Variants in CDC42EP3 observed in about 807,000 individuals in gnomAD.
CDC42EP3 encodes the protein CDC42 effector protein (Rho GTPase binding) 3.
A neutral mutation model predicts 15.5 loss-of-function variants in CDC42EP3; 4 were observed. The observed-to-expected ratio is 0.26, with a 90% CI of 0.13 to 0.59. CDC42EP3 has a LOEUF of 0.59. Among genes scored for constraint, CDC42EP3 ranks in the 20% least tolerant of loss-of-function variants. The pLI, the probability that CDC42EP3 is intolerant of heterozygous loss-of-function variation, is 0.89. For missense variants in CDC42EP3, 309 were observed against 311.2 expected (o/e 0.99, Z 0.05); for synonymous variants, 145 against 130.3 (o/e 1.11, Z -0.77).
chr2:37,656,816 T>C (rs902905949), intron 1 of CDC42EP3, among the ~76,000 whole-genome samples: 9 of 152,112 alleles, frequency 5.9e-5, no homozygotes, highest in African/African-American at 2.2e-4. Context: ...GATGCTAACC[T>C]GACCTTGTCA....
At chr2:37,655,723 A>G (rs751508628) in intron 1 of CDC42EP3, among the ~76,000 whole-genome samples, 1 of 152,202 alleles carries the variant, frequency 6.6e-6, no homozygotes, top group Admixed American at 6.5e-5. Context: ...GTGTTTCCAT[A>G]ACTAATGGAT....
chr2:37,653,936 C>T (rs1665766892), intron 1 of CDC42EP3, among the ~76,000 whole-genome samples: 1 of 152,182 alleles, frequency 6.6e-6, no homozygotes, highest in South Asian at 2.1e-4. Context: ...CTTTCTGGCT[C>T]GGTTGTCACA....
In CDC42EP3 at chr2:37,649,082, A is replaced by T. The variant is rs1665577903; in HGVS notation, c.-235-2260T>A. Among the ~76,000 whole-genome samples the T allele has an allele frequency of 2.6e-5, 4 of 152,068 alleles. No homozygotes were observed. The South Asian group carries it at 8.3e-4, about 32-fold the overall frequency. On this transcript the variant is annotated intron_variant, in intron 1 of 1. Transcript: ENST00000295324. ...GCAGGGGGTTCCAATTATTTAAAAA[A>T]AAAAAAAAAAATCGATCACTTAAGG...
intron 1 of CDC42EP3, among the ~76,000 whole-genome samples, chr2:37,661,260 A>C (rs1236683697): frequency 6.6e-6 from 1 of 152,136 alleles, no homozygotes; most frequent in Non-Finnish European, 1.5e-5. Flanking sequence ...TTGAACACTT[A>C]GGGGATATAT....
chr2:37,658,625 A>G (rs1665958036), intron 1 of CDC42EP3, among the ~76,000 whole-genome samples: 2 of 152,086 alleles, frequency 1.3e-5, no homozygotes, highest in African/African-American at 4.8e-5. Context: ...CTTCCAAACT[A>G]TGCTTTCCTG....
chr2:37,656,213 C>T (rs779358597), intron 1 of CDC42EP3, among the ~76,000 whole-genome samples: 2 of 152,332 alleles, frequency 1.3e-5, no homozygotes, highest in Non-Finnish European at 2.9e-5. Flanking sequence ...CGTCATTCTA[C>T]TCTCAATCTA....
chr2:37,659,628 T>A (rs1454961650), intron 1 of CDC42EP3, among the ~76,000 whole-genome samples: 2 of 152,208 alleles, frequency 1.3e-5, no homozygotes. Context: ...GAATTCAAAC[T>A]CAGTGACTCT....
intron 1 of CDC42EP3, among the ~76,000 whole-genome samples, chr2:37,666,470 G>A (rs916261060): frequency 5.3e-5 from 8 of 152,154 alleles, no homozygotes; most frequent in African/African-American, 1.9e-4. Context: ...AGGGCCAAAG[G>A]CTAGAAGGCT....
intron 1 of CDC42EP3, among the ~76,000 whole-genome samples, chr2:37,671,114 G>A (rs1666403222): frequency 6.6e-6 from 1 of 152,224 alleles, no homozygotes; most frequent in Admixed American, 6.5e-5. Context: ...ATGGAAAAAT[G>A]CTATACGCGC....
In CDC42EP3 at chr2:37,667,248, T is replaced by C. The variant is rs368291699; in HGVS notation, c.-236+4178A>G. ...TGCCATGGACACAGCCCAGTGCCTTTCTGTTCACTTTACCTGTAGCTCCTC... is the reference window on the plus strand; with the variant it reads ...TGCCATGGACACAGCCCAGTGCCTTCCTGTTCACTTTACCTGTAGCTCCTC... On this transcript the variant is annotated intron_variant, in intron 1 of 1. Transcript: ENST00000295324. Among the ~76,000 whole-genome samples the C allele has an allele frequency of 1.1e-4, 17 of 152,308 alleles. No individual in the cohort carries two copies. In the East Asian group the frequency reaches 2.9e-3, roughly 26 times the overall value.
intron 1 of CDC42EP3, among the ~76,000 whole-genome samples, chr2:37,666,489 CTT>C (rs1666253886): frequency 6.6e-6 from 1 of 152,166 alleles, no homozygotes; most frequent in Non-Finnish European, 1.5e-5. Flanking sequence ...CTAATAATAA[CTT>C]TATCCAATAT....
In CDC42EP3 at chr2:37,646,426, T is replaced by C. The variant is rs1665475446; in HGVS notation, c.162A>G (p.Gly54=). The change falls in exon 2 of 2, where the codon GGA becomes GGG. Residue 54 remains glycine, a synonymous_variant. Transcript: ENST00000295324. ...AGTTCCCTTGAAGAAAGGAAATATC[T>C]CCAAAGACATCGTGCTGGCCCTCTT... ...IGKEGQHDVF[G]DISFLQGNYE... The C allele has an allele frequency of 6.2e-7, 1 of 1,613,924 alleles. No homozygotes were observed. Among genetic ancestry groups the C allele is most frequent in the African/African-American group, 1.3e-5 (1 of 74,868 alleles).
chr2:37,671,091 G>C (rs1475676353), intron 1 of CDC42EP3, among the ~76,000 whole-genome samples: 1 of 152,190 alleles, frequency 6.6e-6, no homozygotes, highest in East Asian at 1.9e-4. Flanking sequence ...AGCCAAGCGC[G>C]GCTTGTTCTC....
At chr2:37,662,658 A>G (rs1666101229) in intron 1 of CDC42EP3, among the ~76,000 whole-genome samples, 1 of 152,244 alleles carries the variant, frequency 6.6e-6, no homozygotes, top group East Asian at 1.9e-4. Context: ...CCACCATCCC[A>G]GGGTGAGCCC....
intron 1 of CDC42EP3, among the ~76,000 whole-genome samples, chr2:37,665,898 T>C (rs1399499404): frequency 6.6e-6 from 1 of 152,168 alleles, no homozygotes; most frequent in Non-Finnish European, 1.5e-5. Context: ...AGATCATCTC[T>C]CACCAAATGC....
chr2:37,659,942 CG>C (rs1666002884), intron 1 of CDC42EP3, among the ~76,000 whole-genome samples: 2 of 152,128 alleles, frequency 1.3e-5, no homozygotes. Context: ...CTGGCCTGAG[CG>C]GGGGAAGAGC....
chr2:37,656,440 G>T lies in CDC42EP3; in HGVS notation c.-235-9618C>A, dbSNP rs187756283. 1.4e-4 allele frequency among the ~76,000 whole-genome samples: 21 copies of T among 152,280 alleles called. No individual in the cohort carries two copies. In the East Asian group the frequency reaches 3.7e-3, roughly 27 times the overall value. On this transcript the variant is annotated intron_variant, in intron 1 of 1. Coordinates refer to ENST00000295324, the MANE Select transcript of CDC42EP3 (RefSeq NM_006449.5). The stretch of plus-strand genomic sequence containing the variant: ...TCCATCATGAGAGCCAGGTTGACTT[G>T]CTCCCGGGGGCCAAACCCTAGAGCA...
Position 37,656,996 on chromosome 2 carries a change from CG to C in CDC42EP3, c.-235-10175del, listed in dbSNP as rs1204232453. On this transcript the variant is annotated intron_variant, in intron 1 of 1. Coordinates refer to ENST00000295324, the MANE Select transcript of CDC42EP3 (RefSeq NM_006449.5). ...GTAACAAAGCCCCCCCCCCACCCCCCGCCCCCCGCCATCCTCGAGGAGAAAA... is the reference window on the plus strand; with the variant it reads ...GTAACAAAGCCCCCCCCCCACCCCCCCCCCCCGCCATCCTCGAGGAGAAAA... Among the ~76,000 whole-genome samples the C allele has an allele frequency of 1.5e-3, 116 of 78,504 alleles. 3 individuals are homozygous for C. The highest frequency in any genetic ancestry group is 8.3e-3 in the East Asian group (15 of 1,800). The allele number at this position is 78,504 out of a possible 152,430, so 51.5% of individuals were successfully genotyped here.
intron 1 of CDC42EP3, among the ~76,000 whole-genome samples, chr2:37,654,795 T>C (rs1226015084): frequency 6.6e-6 from 1 of 152,216 alleles, no homozygotes; most frequent in African/African-American, 2.4e-5. Flanking sequence ...AATATAGAAA[T>C]GACCAGCCAA....
Sources: gnomAD v4.1 joint callset for allele counts (sites outside exome capture counted in the v4.1 genomes callset) on GRCh38, gnomAD v4.1.1 for gene constraint, MANE v1.5 for transcripts, NCBI Gene and HGNC (gene_info 2026-07-23, HGNC 2026-07-21) for gene names.